The following MYH15 variants were observed in gnomAD, a reference collection of about 807,000 sequenced individuals.
MYH15 encodes myosin heavy chain 15.
In MYH15, 227 loss-of-function variants were observed where a neutral mutation model predicts 240.5. That is an observed-to-expected ratio of 0.94 (90% confidence interval 0.85 to 1.05). MYH15 has a LOEUF of 1.05. Among genes scored for constraint, MYH15 ranks in the 50% least tolerant of loss-of-function variants. The pLI is 0.00. For missense variants in MYH15, 2,217 were observed against 2,247.5 expected (o/e 0.99, Z 0.27); for synonymous variants, 785 against 796.7 (o/e 0.99, Z 0.25).
At chr3:108,531,178 A>G (rs1460191764), upstream of MYH15, among the ~76,000 whole-genome samples, 1 of 152,232 alleles carries the variant, frequency 6.6e-6, no homozygotes, top group Non-Finnish European at 1.5e-5. Context: ...CCATAATACA[A>G]CAGAGAAATG....
chr3:108,433,111 G>A lies in MYH15; in HGVS notation c.3222-2189C>T, dbSNP rs371973906. On this transcript the variant is annotated intron_variant, in intron 25 of 40. Coordinates refer to ENST00000693548, the MANE Select transcript of MYH15 (RefSeq NM_014981.3). The stretch of plus-strand genomic sequence containing the variant: ...GAGGGAGGCTTTACCCTGCAAAGCC[G>A]CAGGGGAGGATCTGCCCAAGACAAT... Among the ~76,000 whole-genome samples, 55 of 152,334 alleles carry A rather than the reference G, an allele frequency of 3.6e-4. No homozygotes were observed. The South Asian group carries it at 6.4e-3, about 18-fold the overall frequency.
At chr3:108,467,562 A>C (rs2083130854) in intron 14 of MYH15, among the ~76,000 whole-genome samples, 2 of 152,170 alleles carry the variant, frequency 1.3e-5, no homozygotes, top group African/African-American at 4.8e-5. Context: ...AGGCTGGTAA[A>C]ATTCTAAAAT....
chr3:108,396,455 T>C (rs1422996295), intron 35 of MYH15, among the ~76,000 whole-genome samples: 2 of 152,132 alleles, frequency 1.3e-5, no homozygotes, highest in Non-Finnish European at 2.9e-5. Context: ...CATAAGAGCA[T>C]TTGCACTCCT....
intron 36 of MYH15, among the ~76,000 whole-genome samples, 164 bp downstream of exon 36, chr3:108,393,867 T>C (rs1244767560): frequency 1.3e-5 from 2 of 152,204 alleles, no homozygotes; most frequent in Non-Finnish European, 2.9e-5. Context: ...ATTGGCCTAA[T>C]TTTTCAAGAT....
At chr3:108,549,165 A>G in the MYH15 span, among the ~76,000 whole-genome samples, 1 of 151,976 alleles carries the variant, frequency 6.6e-6, no homozygotes, top group Non-Finnish European at 1.5e-5. Context: ...TGTTTTTTCC[A>G]TTAGGAAATG....
Position 108,414,328 on chromosome 3 carries a change from T to G in MYH15, c.4049A>C (p.His1350Pro), listed in dbSNP as rs1165179951. 3 of 1,614,196 alleles carry G rather than the reference T, an allele frequency of 1.9e-6. No individual in the cohort carries two copies. The highest frequency in any genetic ancestry group is 2.5e-6 in the Non-Finnish European group (3 of 1,180,008). The change falls in exon 30 of 41, where the codon CAC becomes CCC. Residue 1350 changes from histidine (H) to proline (P), a missense_variant. His to Pro is a moderately conservative substitution (Grantham distance 77). Coordinates refer to ENST00000693548, the MANE Select transcript of MYH15 (RefSeq NM_014981.3). ...EEEQEVKAEL[H>P]RTLSKVNAEM... Reference sequence around the variant, plus strand: ...AGCATTGACTTTGGATAAGGTCCGGTGCAGCTCAGCCTTGACCTCTTGTTC... The same window carrying G: ...AGCATTGACTTTGGATAAGGTCCGGGGCAGCTCAGCCTTGACCTCTTGTTC...
Position 108,393,424 on chromosome 3 carries a change from CA to C in MYH15, c.5259+606del, listed in dbSNP as rs2082435752. ...CTGAGAGAAGTGCTGCATCTGCCCACAGGGGGTGCCCAGAGGGTGGCCTTTT... is the reference window on the plus strand; with the variant it reads ...CTGAGAGAAGTGCTGCATCTGCCCACGGGGGTGCCCAGAGGGTGGCCTTTT... On this transcript the variant is annotated intron_variant, in intron 36 of 40. Transcript: ENST00000693548. 1.3e-5 allele frequency among the ~76,000 whole-genome samples: 2 copies of C among 152,228 alleles called. 1 individual carries two copies. Among genetic ancestry groups the C allele is most frequent in the Non-Finnish European group, 2.9e-5 (2 of 68,044 alleles).
intron 34 of MYH15, 65 bp downstream of exon 34, chr3:108,399,010 A>T (rs1053886089): frequency 2.0e-6 from 3 of 1,528,582 alleles, no homozygotes; most frequent in Non-Finnish European, 2.7e-6. Flanking sequence ...TCTGTTGCTT[A>T]GTTTGCTTCC....
At chr3:108,545,314 C>T in the MYH15 span, among the ~76,000 whole-genome samples, 173 of 152,114 alleles carry the variant, frequency 1.1e-3, no homozygotes, top group Non-Finnish European at 2.0e-3. Flanking sequence ...GAATCTTTAC[C>T]GTTCATTTTA....
At chr3:108,414,145 T>C in intron 30 of MYH15, 87 bp downstream of exon 30, 1 of 1,398,166 alleles carries the variant, frequency 7.2e-7, no homozygotes, top group African/African-American at 1.4e-5. Context: ...GTTAAGTGCA[T>C]ACCATGAGGC....
intron 35 of MYH15, among the ~76,000 whole-genome samples, chr3:108,397,243 C>G (rs1268451009): frequency 6.6e-6 from 1 of 152,196 alleles, no homozygotes; most frequent in Non-Finnish European, 1.5e-5. Flanking sequence ...CTGGCCCCAC[C>G]TATCTCAGCA....
intron 14 of MYH15, among the ~76,000 whole-genome samples, chr3:108,465,170 G>C (rs368922477): frequency 2.9e-4 from 44 of 152,316 alleles, no homozygotes; most frequent in African/African-American, 9.9e-4. Context: ...TCAAAGTAAA[G>C]AAGTAGAGAA....
chr3:108,484,196 A>C (rs1432464426), intron 11 of MYH15, among the ~76,000 whole-genome samples: 2 of 152,190 alleles, frequency 1.3e-5, no homozygotes, highest in African/African-American at 4.8e-5. Context: ...TTAATATTAA[A>C]GGTAATAACA....
At position 108,439,740 on chromosome 3, in the gene MYH15, A is replaced by T; in HGVS notation, c.3072T>A (p.Asp1024Glu). 1 of 1,599,570 alleles carries T rather than the reference A, an allele frequency of 6.3e-7. No homozygotes were observed. The highest frequency in any genetic ancestry group is 8.5e-7 in the Non-Finnish European group (1 of 1,173,422). ...AACCAGATACACCGTTACTGACCTC[A>T]TCAACTTGCTGTTCCAGCTTCAGAT... ...KANLKLEQQV[D>E]ELEGALEQER... Residue 1024 changes from aspartate (D) to glutamate (E), a missense_variant, in exon 24 of 41, where the codon GAT becomes GAA. Asp to Glu is a conservative substitution (Grantham distance 45, BLOSUM62 2). Coordinates refer to ENST00000693548, the MANE Select transcript of MYH15 (RefSeq NM_014981.3).
chr3:108,533,544 T>C (rs138464933), upstream of MYH15, among the ~76,000 whole-genome samples: 1,639 of 152,272 alleles, frequency 0.011, 17 homozygotes, highest in South Asian at 0.05. Context: ...TTGGTTATGA[T>C]GATCAACCAG....
intron 24 of MYH15, among the ~76,000 whole-genome samples, chr3:108,438,770 T>C (rs2082861727): frequency 6.6e-6 from 1 of 152,186 alleles, no homozygotes; most frequent in Non-Finnish European, 1.5e-5. Flanking sequence ...TCCAGAACTG[T>C]AGGAAATAAA....
intron 21 of MYH15, among the ~76,000 whole-genome samples, chr3:108,445,278 C>T (rs2082917913): frequency 6.6e-6 from 1 of 152,088 alleles, no homozygotes; most frequent in Non-Finnish European, 1.5e-5. Context: ...TTTTCATATT[C>T]ACATGGATAA....
chr3:108,419,767 ATCTGGAAATAGAGG>A (rs1407827747), intron 28 of MYH15, among the ~76,000 whole-genome samples: 1 of 152,210 alleles, frequency 6.6e-6, no homozygotes, highest in Non-Finnish European at 1.5e-5. Context: ...TAGATTTAGC[ATCTGGAAATAGAGG>A]TGTCTACTGG....
chr3:108,464,888 C>A, intron 14 of MYH15, 74 bp from the exon 15 acceptor site: 3 of 1,347,988 alleles, frequency 2.2e-6, no homozygotes, highest in South Asian at 1.5e-5. Flanking sequence ...AGTATAAATT[C>A]TTTCCCAGGA....
Sources: gnomAD v4.1 joint callset for allele counts (sites outside exome capture counted in the v4.1 genomes callset) on GRCh38, gnomAD v4.1.1 for gene constraint, MANE v1.5 for transcripts, NCBI Gene and HGNC (gene_info 2026-07-23, HGNC 2026-07-21) for gene names.